USH2A: variants seen among roughly 807,000 people sequenced by gnomAD.
USH2A encodes the protein usherin, also known as Usher syndrome 2A (autosomal recessive, mild).
Under a neutral mutation model 538.9 loss-of-function variants are expected in USH2A, and 443 were observed. That is an observed-to-expected ratio of 0.82 (90% CI 0.76 to 0.89). USH2A has a LOEUF of 0.89. Ranked by LOEUF, USH2A falls within the 40% of genes least tolerant of loss-of-function variation. The probability of loss-of-function intolerance (pLI) is 0.00; values close to 1 mark genes in which losing one functional copy is unlikely to be tolerated. For synonymous variants in USH2A, 2,413 were observed against 2,273.5 expected, an observed-to-expected ratio of 1.06 and a Z score of -1.75; for missense variants, 6,633 against 6,324.8, an observed-to-expected ratio of 1.05 and a Z score of -1.65.
At chr1:215,714,144 T>C (rs3845527) in intron 61 of USH2A, among the ~76,000 whole-genome samples, 33,643 of 152,208 alleles carry the variant, frequency 0.22, 4,846 homozygotes, top group African/African-American at 0.4. Context: ...GCTGTGAACA[T>C]ACAGATTTCC....
intron 30 of USH2A, among the ~76,000 whole-genome samples, chr1:216,052,072 A>G (rs935670058): frequency 6.6e-6 from 1 of 152,176 alleles, no homozygotes; most frequent in African/African-American, 2.4e-5. Flanking sequence ...TGTGTATAAC[A>G]TGTGTATAGT....
chr1:215,865,846 T>G (rs566943453), intron 44 of USH2A, among the ~76,000 whole-genome samples: 104 of 152,262 alleles, frequency 6.8e-4, no homozygotes, highest in African/African-American at 2.4e-3. Context: ...ATATCCTCAA[T>G]TCTGGCTTTA....
At chr1:216,105,192 C>A (rs549322277) in intron 21 of USH2A, among the ~76,000 whole-genome samples, 1 of 151,950 alleles carries the variant, frequency 6.6e-6, no homozygotes, top group Non-Finnish European at 1.5e-5. Flanking sequence ...TAATGGTTAG[C>A]GCTTTGTTTG....
chr1:216,248,315 A>C (rs1231244161), intron 12 of USH2A, among the ~76,000 whole-genome samples: 1 of 152,118 alleles, frequency 6.6e-6, no homozygotes, highest in African/African-American at 2.4e-5. Flanking sequence ...AAGGCAAAGA[A>C]ATAAAAAAAT....
chr1:215,787,178 A>C (rs1378320400), intron 51 of USH2A, among the ~76,000 whole-genome samples: 1 of 152,210 alleles, frequency 6.6e-6, no homozygotes, highest in Non-Finnish European at 1.5e-5. Context: ...GACAAAATTT[A>C]CTACCAAGGT....
chr1:215,986,883 A>G (rs753498591), intron 35 of USH2A, among the ~76,000 whole-genome samples: 17 of 152,230 alleles, frequency 1.1e-4, no homozygotes, highest in Non-Finnish European at 2.4e-4. Flanking sequence ...AAAGGCCAGG[A>G]CTAGGGCAGT....
chr1:215,626,091 A>T (rs1016613683), intron 71 of USH2A, among the ~76,000 whole-genome samples: 1 of 151,866 alleles, frequency 6.6e-6, no homozygotes, highest in African/African-American at 2.4e-5. Context: ...CAAAATGTAT[A>T]TGTGATTTGA....
chr1:215,923,009 C>G (rs1666139957), intron 38 of USH2A, among the ~76,000 whole-genome samples: 1 of 152,002 alleles, frequency 6.6e-6, no homozygotes, highest in African/African-American at 2.4e-5. Context: ...AAAATATTAT[C>G]TCATGTGACA....
chr1:216,190,786 A>G (rs1250396244), intron 19 of USH2A, among the ~76,000 whole-genome samples: 2 of 152,026 alleles, frequency 1.3e-5, no homozygotes, highest in Non-Finnish European at 2.9e-5. Flanking sequence ...TAGGACAGAA[A>G]GAAATGCCGT....
At chr1:216,198,667 A>T in intron 17 of USH2A, 83 bp from the exon 18 acceptor site, 3 of 1,246,224 alleles carry the variant, frequency 2.4e-6, no homozygotes, top group Non-Finnish European at 3.4e-6. Context: ...GGTCAGTTAA[A>T]GAGTGCTGGA....
intron 4 of USH2A, among the ~76,000 whole-genome samples, chr1:216,359,697 A>C (rs914110965): frequency 4.9e-4 from 75 of 152,100 alleles, no homozygotes; most frequent in African/African-American, 1.8e-3. Context: ...CATTTATTAC[A>C]AACATTCAAA....
intron 41 of USH2A, among the ~76,000 whole-genome samples, chr1:215,883,740 T>C (rs377252034): frequency 6.6e-6 from 1 of 152,188 alleles, no homozygotes; most frequent in African/African-American, 2.4e-5. Context: ...CTCTAGTTGG[T>C]TCCAATGACC....
chr1:216,304,909 T>G (rs1191128007), intron 9 of USH2A, among the ~76,000 whole-genome samples: 3 of 152,140 alleles, frequency 2.0e-5, no homozygotes, highest in African/African-American at 7.2e-5. Context: ...TTTTCTTAAA[T>G]GTATTGAGAC....
chr1:215,997,915 T>C (rs1668175452), intron 34 of USH2A, among the ~76,000 whole-genome samples: 1 of 152,058 alleles, frequency 6.6e-6, no homozygotes, highest in Non-Finnish European at 1.5e-5. Flanking sequence ...TTGAACAGTA[T>C]TTTTTTAACC....
At chr1:216,102,022 AT>A (rs1487247953) in intron 21 of USH2A, among the ~76,000 whole-genome samples, 1 of 152,194 alleles carries the variant, frequency 6.6e-6, no homozygotes, top group Admixed American at 6.5e-5. Context: ...TAAACGATAA[AT>A]GTGAAGCTAT....
At chr1:216,128,654 G>A (rs78627123) in intron 21 of USH2A, among the ~76,000 whole-genome samples, 10,038 of 151,938 alleles carry the variant, frequency 0.066, 414 homozygotes, top group South Asian at 0.18. Flanking sequence ...TGGGCCACAC[G>A]TGAAATTTTG....
intron 67 of USH2A, among the ~76,000 whole-genome samples, chr1:215,641,023 A>T (rs1267355496): frequency 6.6e-6 from 1 of 152,140 alleles, no homozygotes; most frequent in Non-Finnish European, 1.5e-5. Flanking sequence ...TTTTATAAAT[A>T]AAACTATTAA....
intron 56 of USH2A, 106 bp from the exon 57 acceptor site, chr1:215,759,949 T>A (rs963323008): frequency 5.3e-6 from 7 of 1,319,144 alleles, no homozygotes; most frequent in Middle Eastern, 1.8e-4. Context: ...CTGTTGATTT[T>A]AAAAAATATC....
chr1:216,125,323 T>C (rs2033228313), intron 21 of USH2A, among the ~76,000 whole-genome samples: 1 of 152,172 alleles, frequency 6.6e-6, no homozygotes, highest in African/African-American at 2.4e-5. Flanking sequence ...GGACCCCTTC[T>C]TCTCCTATCA....
Sources: allele counts gnomAD v4.1 joint callset (sites outside exome capture counted in the v4.1 genomes callset), GRCh38; gene constraint gnomAD v4.1.1; transcripts MANE v1.5; gene names NCBI Gene and HGNC (gene_info 2026-07-23, HGNC 2026-07-21).